The following WDR45B variants were observed in gnomAD, a reference collection of about 807,000 sequenced individuals.
WDR45B encodes the protein WD repeat domain 45B, also known as WD repeat domain phosphoinositide-interacting protein 3.
A neutral mutation model predicts 44.6 loss-of-function variants in WDR45B; 20 were observed. The ratio of observed to expected loss-of-function variants is 0.45; its 90% CI spans 0.32 to 0.65. WDR45B has a LOEUF of 0.65. WDR45B is among the 30% of genes least tolerant of loss of function. The pLI is 0.05. For synonymous variants in WDR45B, 169 were observed against 164.9 expected (o/e 1.02, Z -0.19); for missense variants, 323 against 430.2 (o/e 0.75, Z 2.20).
intron 2 of WDR45B, among the ~76,000 whole-genome samples, chr17:82,635,539 C>T (rs1192506298): frequency 6.6e-6 from 1 of 150,802 alleles, no homozygotes; most frequent in Non-Finnish European, 1.5e-5. Flanking sequence ...GATTCTCCTG[C>T]CTCAGCCTCC....
At chr17:82,627,750 G>C (rs1210093503) in intron 3 of WDR45B, among the ~76,000 whole-genome samples, 1 of 152,228 alleles carries the variant, frequency 6.6e-6, no homozygotes, top group African/African-American at 2.4e-5. Flanking sequence ...CAGGCGCGCT[G>C]AGCGCGTTCA....
In WDR45B at chr17:82,626,955, G is replaced by C. The variant is rs2045706329; in HGVS notation, c.332+249C>G. On this transcript the variant is annotated intron_variant, in intron 4 of 9. Transcript: ENST00000392325. Reference sequence around the variant, plus strand: ...TCACCACGGTGAGACCCACTGGCTGGTCCACTGTGGCGCACGTCATCCACG... The same window carrying C: ...TCACCACGGTGAGACCCACTGGCTGCTCCACTGTGGCGCACGTCATCCACG... The C allele has an allele frequency of 2.6e-5, 14 of 547,090 alleles. No homozygotes were observed. In the South Asian group the frequency reaches 2.8e-4, roughly 11 times the overall value. 33.9% of individuals were successfully genotyped at this position (547,090 alleles called of 1,614,324 possible).
At chr17:82,620,757 G>A (rs2045604178) in intron 6 of WDR45B, among the ~76,000 whole-genome samples, 1 of 151,994 alleles carries the variant, frequency 6.6e-6, no homozygotes, top group Non-Finnish European at 1.5e-5. Flanking sequence ...CTGAATTCAG[G>A]CAAAAAGAAG....
intron 2 of WDR45B, among the ~76,000 whole-genome samples, chr17:82,635,300 A>C (rs1309110890): frequency 6.6e-6 from 1 of 151,952 alleles, no homozygotes; most frequent in Non-Finnish European, 1.5e-5. Context: ...AATTATGTCA[A>C]GGTCACTAAT....
intron 5 of WDR45B, among the ~76,000 whole-genome samples, chr17:82,623,398 A>C (rs2045645879): frequency 6.7e-6 from 1 of 149,076 alleles, no homozygotes; most frequent in South Asian, 2.1e-4. Flanking sequence ...AAAAAAAAAA[A>C]AAAAACAAAC....
At chr17:82,640,969 G>GTGTTT (rs1555651144) in intron 2 of WDR45B, among the ~76,000 whole-genome samples, 19 of 131,854 alleles carry the variant, frequency 1.4e-4, no homozygotes, top group African/African-American at 5.4e-4. Context: ...TCTTGTCTGG[G>GTGTTT]TTTTTTTTTT....
intron 2 of WDR45B, among the ~76,000 whole-genome samples, chr17:82,633,574 A>C (rs1233118723): frequency 6.6e-6 from 1 of 152,166 alleles, no homozygotes; most frequent in Non-Finnish European, 1.5e-5. Flanking sequence ...TGCAGTGATG[A>C]GAACAGGGCT....
At chr17:82,635,183 T>A (rs1042812525) in intron 2 of WDR45B, among the ~76,000 whole-genome samples, 105 of 151,622 alleles carry the variant, frequency 6.9e-4, no homozygotes, top group Admixed American at 9.8e-4. Flanking sequence ...ATTTTTTTTT[T>A]AAAAAATGCT....
At chr17:82,632,272 C>G (rs2045777881) in intron 2 of WDR45B, among the ~76,000 whole-genome samples, 1 of 151,980 alleles carries the variant, frequency 6.6e-6, no homozygotes, top group Non-Finnish European at 1.5e-5. Flanking sequence ...AGGACTCCTC[C>G]TGCTTCAGCC....
chr17:82,628,945 A>G (rs894738320), intron 3 of WDR45B, among the ~76,000 whole-genome samples: 2 of 151,942 alleles, frequency 1.3e-5, no homozygotes, highest in Non-Finnish European at 2.9e-5. Flanking sequence ...AGCTGCAGTG[A>G]GCCAGGACTG....
In WDR45B at chr17:82,619,028, T is replaced by C. The variant is rs376697176; in HGVS notation, c.704+15A>G. The C allele has an allele frequency of 8.7e-6, 14 of 1,613,738 alleles. No individual in the cohort carries two copies. The highest frequency in any genetic ancestry group is 1.2e-5 in the Non-Finnish European group (14 of 1,179,668). ...GCCCGAAGTTCTTCTCCGGTGAAGT[T>C]GGAGGTGCCCTTACCAGTAAATATT... On this transcript the variant is annotated intron_variant, in intron 7 of 9. Coordinates refer to ENST00000392325, the MANE Select transcript of WDR45B (RefSeq NM_019613.4).
rs527475316 is a variant in WDR45B at position 82,644,236 on chromosome 17, G to C, written c.68-213C>G. The C allele has an allele frequency of 1.5e-4, 88 of 602,222 alleles. No homozygotes were observed. In the Middle Eastern group the frequency reaches 2.6e-3, roughly 18 times the overall value. The allele number at this position is 602,222 out of a possible 1,614,324, so 37.3% of individuals were successfully genotyped here. A position where few individuals can be genotyped will look rare whatever the true frequency, so the allele number is the denominator to read the frequency against. On this transcript the variant is annotated intron_variant, in intron 1 of 9. Transcript: ENST00000392325. The stretch of plus-strand genomic sequence containing the variant: ...ATTTTGTTTGTCCTTTAGCAAAGGA[G>C]TCTTGGAGTTGTTCACACAACTTCC...
chr17:82,622,008 A>G (rs2045625979), intron 5 of WDR45B, among the ~76,000 whole-genome samples: 1 of 152,234 alleles, frequency 6.6e-6, no homozygotes, highest in Non-Finnish European at 1.5e-5. Flanking sequence ...CCTCATAATC[A>G]AGACATCTGC....
At chr17:82,633,892 G>C (rs1326256023) in intron 2 of WDR45B, among the ~76,000 whole-genome samples, 1 of 151,976 alleles carries the variant, frequency 6.6e-6, no homozygotes, top group Non-Finnish European at 1.5e-5. Flanking sequence ...GCTCATGCCT[G>C]TTATCTCAGC....
chr17:82,621,891 A>T, intron 5 of WDR45B, 92 bp from the exon 6 acceptor site: 1 of 1,287,562 alleles, frequency 7.8e-7, no homozygotes, highest in Non-Finnish European at 1.1e-6. Context: ...CCGAAAAAAT[A>T]GATGTATATC....
At chr17:82,633,032 A>G (rs555016126) in intron 2 of WDR45B, among the ~76,000 whole-genome samples, 62 of 152,126 alleles carry the variant, frequency 4.1e-4, no homozygotes, top group African/African-American at 1.4e-3. Context: ...CTGTGGTGGC[A>G]GGCGCCTGTA....
At chr17:82,620,501 G>A (rs967870395) in intron 6 of WDR45B, among the ~76,000 whole-genome samples, 5 of 152,168 alleles carry the variant, frequency 3.3e-5, no homozygotes, top group African/African-American at 1.2e-4. Context: ...TGAGTCCCAG[G>A]AGTGAGCGGG....
intron 1 of WDR45B, among the ~76,000 whole-genome samples, chr17:82,647,581 A>T (rs79150306): frequency 0.056 from 8,533 of 152,242 alleles, 349 homozygotes; most frequent in Middle Eastern, 0.15. Context: ...TGGGAAAAGA[A>T]GTAAGATTTC....
Position 82,615,737 on chromosome 17 carries a change from A to C in WDR45B, c.*182T>G. 1.6e-6 allele frequency: 1 copy of C among 631,524 alleles called. No individual in the cohort carries two copies. The highest frequency in any genetic ancestry group is 2.8e-6 in the Non-Finnish European group (1 of 353,526). The allele number at this position is 631,524 out of a possible 1,614,324, so 39.1% of individuals were successfully genotyped here. Reference sequence around the variant, plus strand: ...AGTTACCTACGGTGCCTTGATGATGATTCTCTCTTTAATACTGGAAATGGG... The same window carrying C: ...AGTTACCTACGGTGCCTTGATGATGCTTCTCTCTTTAATACTGGAAATGGG... On this transcript the variant is annotated 3_prime_UTR_variant, in exon 10 of 10. Coordinates refer to ENST00000392325, the MANE Select transcript of WDR45B (RefSeq NM_019613.4).
Sources: gnomAD v4.1 joint callset for allele counts (sites outside exome capture counted in the v4.1 genomes callset) on GRCh38, gnomAD v4.1.1 for gene constraint, MANE v1.5 for transcripts, NCBI Gene and HGNC (gene_info 2026-07-23, HGNC 2026-07-21) for gene names.